The following VPS8 variants were observed in gnomAD, a reference collection of about 807,000 sequenced individuals.
VPS8 encodes the protein VPS8 subunit of CORVET complex.
Under a neutral mutation model 216.4 loss-of-function variants are expected in VPS8, and 129 were observed. The ratio of observed to expected loss-of-function variants is 0.60; its 90% CI spans 0.52 to 0.69. VPS8 has a LOEUF of 0.69. Ranked by LOEUF, VPS8 falls within the 30% of genes least tolerant of loss-of-function variation. The pLI, the probability that VPS8 is intolerant of heterozygous loss-of-function variation, is 0.00. For missense variants in VPS8, 1,531 were observed against 1,683.5 expected, an observed-to-expected ratio of 0.91 and a Z score of 1.59; for synonymous variants, 571 against 565.4, an observed-to-expected ratio of 1.01 and a Z score of -0.14.
intron 46 of VPS8, among the ~76,000 whole-genome samples, chr3:185,045,439 C>T (rs1013121141): frequency 2.0e-5 from 3 of 152,076 alleles, no homozygotes; most frequent in African/African-American, 7.2e-5. Context: ...GGCAGTGGAT[C>T]ATGGTTGTTT....
At chr3:184,898,418 T>A (rs1733909361) in intron 23 of VPS8, 147 bp from the exon 24 acceptor site, 1 of 678,490 alleles carries the variant, frequency 1.5e-6, no homozygotes, top group African/African-American at 1.8e-5. Context: ...CCTTGCATTG[T>A]GTTTGAGTAC....
intron 16 of VPS8, among the ~76,000 whole-genome samples, chr3:184,864,548 G>C (rs1451440426): frequency 6.6e-6 from 1 of 152,176 alleles, no homozygotes; most frequent in Non-Finnish European, 1.5e-5. Context: ...TGCTCACACA[G>C]GGCTGAAAAC....
chr3:184,926,104 G>A (rs551363580), intron 30 of VPS8, among the ~76,000 whole-genome samples: 10 of 149,372 alleles, frequency 6.7e-5, no homozygotes, highest in African/African-American at 2.4e-4. Context: ...GGCCGGATGC[G>A]ATGGCTCACG....
At chr3:184,867,498 C>G (rs778343301) in intron 17 of VPS8, among the ~76,000 whole-genome samples, 21 of 152,142 alleles carry the variant, frequency 1.4e-4, no homozygotes, top group Non-Finnish European at 1.5e-4. Flanking sequence ...TGCTTCTTGT[C>G]CATGGAATTA....
intron 43 of VPS8, 41 bp from the exon 44 acceptor site, chr3:184,996,291 T>A: frequency 6.4e-7 from 1 of 1,559,226 alleles, no homozygotes; most frequent in Non-Finnish European, 8.7e-7. Flanking sequence ...TTTCATCTTA[T>A]AACCTTTTGT....
chr3:184,860,128 T>C, intron 15 of VPS8, 63 bp downstream of exon 15: 2 of 1,317,952 alleles, frequency 1.5e-6, no homozygotes, highest in Non-Finnish European at 2.2e-6. Context: ...ATCTATGATA[T>C]ATTAAAGCTA....
At chr3:184,901,612 A>AT (rs1191453979) in intron 25 of VPS8, among the ~76,000 whole-genome samples, 1 of 152,152 alleles carries the variant, frequency 6.6e-6, no homozygotes, top group East Asian at 1.9e-4. Context: ...AGTTTCCCCA[A>AT]TGATAACATC....
chr3:185,028,729 C>G (rs1276357456), intron 46 of VPS8, among the ~76,000 whole-genome samples: 1 of 152,218 alleles, frequency 6.6e-6, no homozygotes, highest in Non-Finnish European at 1.5e-5. Context: ...TCACAGCGCT[C>G]TGAATTAGTC....
At chr3:184,869,562 A>C (rs758451125) in intron 20 of VPS8, 34 bp downstream of exon 20, 1 of 1,607,566 alleles carries the variant, frequency 6.2e-7, no homozygotes, top group Non-Finnish European at 8.5e-7. Flanking sequence ...ACTAGAATAC[A>C]GTGCAGATTT....
At position 184,913,571 on chromosome 3, in the gene VPS8, TTTTA is replaced by T. The variant is rs766894551; in HGVS notation, c.2189+17_2189+20del. 39 of 1,559,182 alleles carry T rather than the reference TTTTA, an allele frequency of 2.5e-5. No individual in the cohort carries two copies. The highest frequency in any genetic ancestry group is 4.5e-5 in the East Asian group (2 of 44,162). On this transcript the variant is annotated intron_variant, in intron 26 of 47. Coordinates refer to ENST00000625842, the MANE Select transcript of VPS8 (RefSeq NM_001009921.3). ...TCCTTGTATATATTAGGTAAGATTG[TTTTA>T]TTTATTCATCTGCATGTATGTTCTT...
chr3:184,982,926 A>C, intron 41 of VPS8, 86 bp from the exon 42 acceptor site: 1 of 1,214,904 alleles, frequency 8.2e-7, no homozygotes, highest in Non-Finnish European at 1.1e-6. Flanking sequence ...AAGCTATATA[A>C]ATGCACTGTT....
chr3:184,916,954 T>C (rs1358226836), intron 28 of VPS8, among the ~76,000 whole-genome samples: 1 of 152,220 alleles, frequency 6.6e-6, no homozygotes. Flanking sequence ...GTATATCCCA[T>C]GTATTATCTT....
chr3:184,936,742 C>CT (rs879437188), intron 35 of VPS8, among the ~76,000 whole-genome samples: 1,921 of 143,852 alleles, frequency 0.013, 14 homozygotes, highest in African/African-American at 0.016. Context: ...ACCCCGTTTT[C>CT]TTTTTTTTTT....
chr3:185,031,107 A>G (rs1461267815), intron 46 of VPS8, among the ~76,000 whole-genome samples: 2 of 123,660 alleles, frequency 1.6e-5, no homozygotes, highest in Non-Finnish European at 3.2e-5. Context: ...AAAAAGCCTC[A>G]CAAAGCCACT....
intron 46 of VPS8, among the ~76,000 whole-genome samples, chr3:185,046,153 A>G (rs1421865431): frequency 6.6e-6 from 1 of 152,210 alleles, no homozygotes; most frequent in Admixed American, 6.5e-5. Flanking sequence ...ACTCCTAACC[A>G]GTTTTATCCT....
intron 45 of VPS8, among the ~76,000 whole-genome samples, chr3:185,000,865 A>G (rs962237083): frequency 3.9e-5 from 6 of 152,094 alleles, no homozygotes; most frequent in African/African-American, 1.4e-4. Context: ...TCGGCCTCCC[A>G]AAGTGCTGGG....
intron 15 of VPS8, among the ~76,000 whole-genome samples, chr3:184,860,487 A>ACG (rs1294009694): frequency 6.6e-6 from 1 of 151,768 alleles, no homozygotes. Context: ...ACACACACAC[A>ACG]CACACACACA....
At chr3:184,916,866 G>A (rs1193123800) in intron 28 of VPS8, among the ~76,000 whole-genome samples, 1 of 152,212 alleles carries the variant, frequency 6.6e-6, no homozygotes, top group African/African-American at 2.4e-5. Context: ...TTATGCTGAT[G>A]TCTGAATTAT....
At chr3:185,023,942 T>A (rs897387230) in intron 45 of VPS8, among the ~76,000 whole-genome samples, 3 of 152,260 alleles carry the variant, frequency 2.0e-5, no homozygotes, top group Non-Finnish European at 4.4e-5. Flanking sequence ...ATCAAACTCT[T>A]CTGTGCATGC....
Sources: allele counts gnomAD v4.1 joint callset (sites outside exome capture counted in the v4.1 genomes callset), GRCh38; gene constraint gnomAD v4.1.1; transcripts MANE v1.5; gene names NCBI Gene and HGNC (gene_info 2026-07-23, HGNC 2026-07-21).